Variants in DLGAP1 observed in about 807,000 individuals in gnomAD.
The protein encoded by DLGAP1 is disks large-associated protein 1.
DLGAP1 carries 11 observed loss-of-function variants against 90.8 expected under a neutral mutation model. That is an observed-to-expected ratio of 0.12 (90% CI 0.08 to 0.20). The LOEUF is 0.20. Ranked by LOEUF, DLGAP1 falls within the 10% of genes least tolerant of loss-of-function variation. DLGAP1 has a pLI of 1.00. For missense variants in DLGAP1, 1,050 were observed against 1,333.8 expected (o/e 0.79, Z 3.31); for synonymous variants, 558 against 540.7 (o/e 1.03, Z -0.44).
At chr18:4,223,160 A>G (rs2078113252) in intron 1 of DLGAP1, among the ~76,000 whole-genome samples, 1 of 152,166 alleles carries the variant, frequency 6.6e-6, no homozygotes, top group Non-Finnish European at 1.5e-5. Context: ...AGCATTTAGT[A>G]CATTTTTATA....
At chr18:3,880,567 G>A (rs2071129371) in intron 3 of DLGAP1, among the ~76,000 whole-genome samples, 1 of 152,092 alleles carries the variant, frequency 6.6e-6, no homozygotes, top group African/African-American at 2.4e-5. Flanking sequence ...ACGCATTATT[G>A]GAAGAGCTCT....
chr18:4,230,464 G>A (rs868843156), intron 1 of DLGAP1, among the ~76,000 whole-genome samples: 2 of 151,944 alleles, frequency 1.3e-5, no homozygotes, highest in African/African-American at 4.8e-5. Context: ...TAAAAAATGA[G>A]ATCTTGTCAT....
chr18:3,599,462 G>A (rs2056777753), intron 7 of DLGAP1, among the ~76,000 whole-genome samples: 2 of 152,202 alleles, frequency 1.3e-5, no homozygotes, highest in South Asian at 2.1e-4. Flanking sequence ...TAGAATTGGG[G>A]CAGAAGGATG....
chr18:4,115,489 TC>T (rs2144048240), intron 2 of DLGAP1, among the ~76,000 whole-genome samples: 1 of 142,086 alleles, frequency 7.0e-6, no homozygotes, highest in East Asian at 1.9e-4. Flanking sequence ...TTTCTTTCTT[TC>T]TTTCTTTTTT....
At chr18:3,501,722 G>A (rs2049942295) in intron 12 of DLGAP1, among the ~76,000 whole-genome samples, 1 of 152,104 alleles carries the variant, frequency 6.6e-6, no homozygotes, top group Non-Finnish European at 1.5e-5. Flanking sequence ...TATTTGACCT[G>A]AGGCCATAGG....
At chr18:3,774,546 CT>C (rs1434549893) in intron 5 of DLGAP1, 3 of 152,340 alleles carry the variant, frequency 2.0e-5, no homozygotes, top group Non-Finnish European at 4.4e-5. Flanking sequence ...TTGCTCACCG[CT>C]GCTTTGCCTC....
At chr18:3,783,554 A>G (rs960665478) in intron 5 of DLGAP1, among the ~76,000 whole-genome samples, 11 of 152,220 alleles carry the variant, frequency 7.2e-5, no homozygotes, top group African/African-American at 2.7e-4. Flanking sequence ...CACATGTGCA[A>G]AATGTCCAGA....
intron 3 of DLGAP1, among the ~76,000 whole-genome samples, chr18:3,888,273 T>A (rs1437311576): frequency 6.6e-6 from 1 of 152,162 alleles, no homozygotes; most frequent in East Asian, 1.9e-4. Context: ...TTTTCCAGGC[T>A]TCCTTACTTG....
intron 4 of DLGAP1, among the ~76,000 whole-genome samples, chr18:3,876,784 A>G (rs1318150468): frequency 6.6e-6 from 1 of 152,242 alleles, no homozygotes; most frequent in African/African-American, 2.4e-5. Context: ...AAGAAGGCAA[A>G]TAGTTTGAAA....
At chr18:4,131,691 G>A (rs1052327753) in intron 2 of DLGAP1, among the ~76,000 whole-genome samples, 3 of 152,246 alleles carry the variant, frequency 2.0e-5, no homozygotes, top group Non-Finnish European at 4.4e-5. Flanking sequence ...TCAAACGTGG[G>A]CAAGAGAAAG....
intron 2 of DLGAP1, among the ~76,000 whole-genome samples, chr18:4,062,868 C>A (rs866271633): frequency 1.3e-5 from 2 of 152,052 alleles, no homozygotes; most frequent in African/African-American, 2.4e-5. Flanking sequence ...CCAGTGATCA[C>A]TGGCTACAGC....
At chr18:3,614,945 G>A (rs1471839699) in intron 7 of DLGAP1, among the ~76,000 whole-genome samples, 2 of 151,706 alleles carry the variant, frequency 1.3e-5, no homozygotes, top group African/African-American at 4.8e-5. Flanking sequence ...TTTTTGAGAT[G>A]GAGTCTCACT....
chr18:3,524,787 A>T (rs942965538), intron 10 of DLGAP1, among the ~76,000 whole-genome samples: 6 of 152,230 alleles, frequency 3.9e-5, no homozygotes, highest in African/African-American at 1.4e-4. Context: ...CATTGGGATT[A>T]TCCATGTGGA....
chr18:4,391,018 A>C (rs2082330253), intron 1 of DLGAP1, among the ~76,000 whole-genome samples: 1 of 152,160 alleles, frequency 6.6e-6, no homozygotes, highest in Non-Finnish European at 1.5e-5. Context: ...TGTTACCTGA[A>C]TTTAACTTAG....
At chr18:4,368,027 C>G (rs2081818337) in intron 1 of DLGAP1, among the ~76,000 whole-genome samples, 1 of 152,028 alleles carries the variant, frequency 6.6e-6, no homozygotes, top group Non-Finnish European at 1.5e-5. Flanking sequence ...CACACATATG[C>G]AATGCACACA....
chr18:3,555,459 G>A (rs2053695044), intron 9 of DLGAP1, among the ~76,000 whole-genome samples: 1 of 152,102 alleles, frequency 6.6e-6, no homozygotes, highest in African/African-American at 2.4e-5. Context: ...CTCGTATAAA[G>A]TTTTTTAGGT....
Position 4,249,045 on chromosome 18 carries a change from G to A in DLGAP1, c.-266-97758C>T, listed in dbSNP as rs77268841. Among the ~76,000 whole-genome samples the A allele has an allele frequency of 5.5e-3, 843 of 152,280 alleles. 4 individuals carry two copies. Among genetic ancestry groups the A allele is most frequent in the Middle Eastern group, 0.027 (8 of 294 alleles). On this transcript the variant is annotated intron_variant, in intron 1 of 12. Transcript: ENST00000315677. ...TCTCTATGCAAATATGCCTTGCTCA[G>A]CGAGGCTGTACCCTTCACTCCCCTA...
chr18:3,867,271 T>C (rs9963685), intron 4 of DLGAP1, among the ~76,000 whole-genome samples: 130,541 of 152,126 alleles, frequency 0.86, 57,544 homozygotes, highest in East Asian at 0.95. Context: ...TCTCCACAAC[T>C]GAGGGCCATG....
intron 1 of DLGAP1, among the ~76,000 whole-genome samples, chr18:4,185,792 G>T (rs1377099019): frequency 6.6e-6 from 1 of 152,120 alleles, no homozygotes; most frequent in Non-Finnish European, 1.5e-5. Context: ...ATTCCATTGG[G>T]TATACACTAG....
Sources: gnomAD v4.1 joint callset for allele counts (sites outside exome capture counted in the v4.1 genomes callset) on GRCh38, gnomAD v4.1.1 for gene constraint, MANE v1.5 for transcripts, NCBI Gene and HGNC (gene_info 2026-07-23, HGNC 2026-07-21) for gene names.